Variants in BCL9 observed in about 807,000 individuals in gnomAD.
BCL9 encodes the protein BCL9 transcription coactivator, also known as B-cell CLL/lymphoma 9 protein.
BCL9 carries 25 observed loss-of-function variants against 88.5 expected under a neutral mutation model. That is an observed-to-expected ratio of 0.28 (90% CI 0.21 to 0.39). BCL9 has a LOEUF of 0.39. Among genes scored for constraint, BCL9 ranks in the 10% least tolerant of loss-of-function variants. The probability of loss-of-function intolerance (pLI) is 1.00; values close to 1 mark genes in which losing one functional copy is unlikely to be tolerated. For synonymous variants in BCL9, 711 were observed against 673.3 expected, an observed-to-expected ratio of 1.06 and a Z score of -0.87; for missense variants, 1,817 against 1,877.8, an observed-to-expected ratio of 0.97 and a Z score of 0.60.
intron 1 of BCL9, among the ~76,000 whole-genome samples, chr1:147,571,043 A>G (rs1655864534): frequency 6.6e-6 from 1 of 151,826 alleles, no homozygotes; most frequent in Non-Finnish European, 1.5e-5. Context: ...CAGGCTGTAC[A>G]CCCTGGGACC....
chr1:147,556,966 C>T (rs1476722107), intron 1 of BCL9, among the ~76,000 whole-genome samples: 3 of 152,142 alleles, frequency 2.0e-5, no homozygotes, highest in African/African-American at 2.4e-5. Context: ...GCTAACTGAC[C>T]ATACCAACAA....
chr1:147,613,772 G>C (rs782630480), intron 5 of BCL9, among the ~76,000 whole-genome samples: 1 of 152,118 alleles, frequency 6.6e-6, no homozygotes, highest in Non-Finnish European at 1.5e-5. Flanking sequence ...AAAATGGAGT[G>C]AGCCAAGAAG....
At chr1:147,605,439 C>G (rs1331332865) in intron 2 of BCL9, among the ~76,000 whole-genome samples, 1 of 152,202 alleles carries the variant, frequency 6.6e-6, no homozygotes, top group Admixed American at 6.5e-5. Context: ...GAAGGGACAT[C>G]TGTGCTGAAA....
chr1:147,559,130 T>TC (rs1405720560), intron 1 of BCL9, among the ~76,000 whole-genome samples: 4 of 141,048 alleles, frequency 2.8e-5, no homozygotes, highest in African/African-American at 5.3e-5. Context: ...TTCTTCTTCT[T>TC]TTTTTTTTTT....
intron 8 of BCL9, 24 bp downstream of exon 8, chr1:147,621,081 G>T (rs1553205344): frequency 6.3e-7 from 1 of 1,588,094 alleles, no homozygotes; most frequent in Admixed American, 1.7e-5. Flanking sequence ...CATCCTCACA[G>T]TTGCACCTAG....
At chr1:147,604,086 G>C (rs1247841611) in intron 1 of BCL9, among the ~76,000 whole-genome samples, 1 of 152,174 alleles carries the variant, frequency 6.6e-6, no homozygotes. Flanking sequence ...ACATGAAAAT[G>C]TCTTGTGGTT....
At chr1:147,558,355 C>T (rs1048706347) in intron 1 of BCL9, among the ~76,000 whole-genome samples, 1 of 152,128 alleles carries the variant, frequency 6.6e-6, no homozygotes, top group Non-Finnish European at 1.5e-5. Context: ...TGGTATCCCC[C>T]TAAAAGCACT....
At chr1:147,604,462 G>T (rs57813629) in intron 1 of BCL9, among the ~76,000 whole-genome samples, 29,684 of 152,118 alleles carry the variant, frequency 0.2, 4,072 homozygotes, top group African/African-American at 0.38. Context: ...TGTTTTTGAT[G>T]GTGGAAAATG....
At position 147,624,206 on chromosome 1, in the gene BCL9, C is replaced by T; in HGVS notation, c.3528C>T (p.Pro1176=). ...PGGMGFPGEG[P]LGRPSNLPQS... Reference sequence around the variant, plus strand: ...GGATGGGTTTCCCAGGAGAAGGCCCCCTTGGCCGCCCCAGCAACCTGCCCC... The same window carrying T: ...GGATGGGTTTCCCAGGAGAAGGCCCTCTTGGCCGCCCCAGCAACCTGCCCC... The change falls in exon 10 of 10, where the codon CCC becomes CCT. Residue 1176 remains proline (P), a synonymous_variant. Coordinates refer to ENST00000234739, the MANE Select transcript of BCL9 (RefSeq NM_004326.4). This position sits in a 1 kb window ranked among gnomAD's most constrained non-coding sequence, Gnocchi z 4.4. The T allele has an allele frequency of 6.2e-7, 1 of 1,610,846 alleles. No individual in the cohort carries two copies. Among genetic ancestry groups the T allele is most frequent in the Non-Finnish European group, 8.5e-7 (1 of 1,177,536 alleles).
intron 7 of BCL9, among the ~76,000 whole-genome samples, chr1:147,616,747 G>C (rs1658304226): frequency 6.7e-6 from 1 of 149,226 alleles, no homozygotes. Context: ...ACTCCAGCCT[G>C]GGTGATAAGA....
rs1326780144 is a variant in BCL9 at position 147,624,907 on chromosome 1, G to A, written c.4229G>A (p.Gly1410Asp). The change falls in exon 10 of 10, where the codon GGC becomes GAC. Residue 1410 changes from glycine (G) to aspartate (D), a missense_variant. Gly to Asp is a moderately conservative substitution (Grantham distance 94, BLOSUM62 -1). Around this residue, in one of 2 missense-constraint regions of BCL9, gnomAD observed 589 missense variants for 686.2 expected, o/e 0.86. Coordinates refer to ENST00000234739, the MANE Select transcript of BCL9 (RefSeq NM_004326.4). This position sits in a 1 kb window ranked among gnomAD's most constrained non-coding sequence, Gnocchi z 4.4. ...MRPRGMAADVGMGGFSQGPGN... is the reference protein window; with the variant it reads ...MRPRGMAADVDMGGFSQGPGN... ...CCCCGGGGCATGGCTGCTGACGTGG[G>A]CATGGGTGGATTTAGCCAAGGACCT... The A allele has an allele frequency of 1.2e-5, 19 of 1,613,664 alleles. No homozygotes were observed. The highest frequency in any genetic ancestry group is 1.6e-5 in the Non-Finnish European group (19 of 1,179,576).
intron 1 of BCL9, among the ~76,000 whole-genome samples, chr1:147,542,116 G>A (rs1654356077): frequency 6.6e-6 from 1 of 152,188 alleles, no homozygotes; most frequent in South Asian, 2.1e-4. Flanking sequence ...TGACTGCAGA[G>A]ATTGCATCGA....
chr1:147,552,277 T>C (rs1654934954), intron 1 of BCL9, among the ~76,000 whole-genome samples: 1 of 152,160 alleles, frequency 6.6e-6, no homozygotes, highest in South Asian at 2.1e-4. Flanking sequence ...CCAGTGGTTT[T>C]ATAAAGGGTG....
intron 2 of BCL9, 131 bp downstream of exon 2, chr1:147,605,042 C>T (rs1406557056): frequency 6.6e-6 from 1 of 152,114 alleles, no homozygotes; most frequent in Non-Finnish European, 1.5e-5. Context: ...ATTCTCAAGG[C>T]AAAAGTCATC....
intron 1 of BCL9, among the ~76,000 whole-genome samples, chr1:147,574,806 C>G (rs1553197899): frequency 6.6e-6 from 1 of 152,176 alleles, no homozygotes; most frequent in Non-Finnish European, 1.5e-5. Flanking sequence ...AGATCTGACT[C>G]ACATAACATG....
At chr1:147,613,223 C>T in intron 5 of BCL9, 24 bp downstream of exon 5, 1 of 1,612,694 alleles carries the variant, frequency 6.2e-7, no homozygotes, top group Non-Finnish European at 8.5e-7. Context: ...ATCTTTGAGA[C>T]TCAGAGGGAA....
Position 147,619,858 on chromosome 1 carries a change from T to C in BCL9, c.1703T>C (p.Met568Thr). ...SQMRLPGFAG[M>T]INSEMEGPNV... ...ATGCGCCTCCCTGGATTTGCAGGCA[T>C]GATAAACTCTGAAATGGAAGGGCCG... Residue 568 changes from methionine to threonine, a missense_variant, in exon 8 of 10, where the codon ATG becomes ACG. Transcript: ENST00000234739. The surrounding 1 kb of genome is among the most constrained non-coding windows in gnomAD (Gnocchi z 4.1). The C allele has an allele frequency of 6.2e-7, 1 of 1,613,392 alleles. No individual in the cohort carries two copies. The highest frequency in any genetic ancestry group is 8.5e-7 in the Non-Finnish European group (1 of 1,179,926).
chr1:147,575,563 CT>C (rs1277896245), intron 1 of BCL9, among the ~76,000 whole-genome samples: 4 of 151,772 alleles, frequency 2.6e-5, no homozygotes, highest in Admixed American at 6.6e-5. Context: ...ATCATGCTTC[CT>C]TTTTTTTAAT....
In BCL9 at chr1:147,625,510, A is replaced by T. The variant is rs1658898311; in HGVS notation, c.*551A>T. Reference sequence around the variant, plus strand: ...CTATTTTCTTTCAACTGCAGTGTATAGAAAAACCAAACTACGACCTCAGAG... The same window carrying T: ...CTATTTTCTTTCAACTGCAGTGTATTGAAAAACCAAACTACGACCTCAGAG... On this transcript the variant is annotated 3_prime_UTR_variant, in exon 10 of 10. Transcript: ENST00000234739. 1 of 211,012 alleles carries T rather than the reference A, an allele frequency of 4.7e-6. No homozygotes were observed. Among genetic ancestry groups the T allele is most frequent in the East Asian group, 6.9e-5 (1 of 14,526 alleles). The allele number at this position is 211,012 out of a possible 1,614,324, so 13.1% of individuals were successfully genotyped here.
Sources: gnomAD v4.1 joint callset for allele counts (sites outside exome capture counted in the v4.1 genomes callset) on GRCh38, gnomAD v4.1.1 for gene constraint, gnomAD v4.1.1 regional missense constraint, Gnocchi (gnomAD v3.1) non-coding constraint, MANE v1.5 for transcripts, NCBI Gene and HGNC (gene_info 2026-07-23, HGNC 2026-07-21) for gene names.